The following KIF13B variants were observed in gnomAD, a reference collection of about 807,000 sequenced individuals.
KIF13B encodes the protein kinesin family member 13B, also known as kinesin-like protein KIF13B.
Under a neutral mutation model 222.0 loss-of-function variants are expected in KIF13B, and 127 were observed. That is an observed-to-expected ratio of 0.57 (90% CI 0.50 to 0.66). The LOEUF (loss-of-function observed/expected upper bound fraction) is 0.66, where lower values mean the gene tolerates loss of function less well. Among genes scored for constraint, KIF13B ranks in the 30% least tolerant of loss-of-function variants. The probability of loss-of-function intolerance (pLI) is 0.00; values close to 1 mark genes in which losing one functional copy is unlikely to be tolerated. For missense variants in KIF13B, 2,173 were observed against 2,379.0 expected (o/e 0.91, Z 1.80); for synonymous variants, 976 against 919.0 (o/e 1.06, Z -1.12).
chr8:29,226,243 T>C (rs1815019286), intron 2 of KIF13B, among the ~76,000 whole-genome samples: 1 of 151,038 alleles, frequency 6.6e-6, no homozygotes, highest in African/African-American at 2.4e-5. Context: ...ATAAAAGTAA[T>C]TTGAACTTAC....
intron 2 of KIF13B, among the ~76,000 whole-genome samples, chr8:29,210,286 A>G (rs985619336): frequency 1.1e-4 from 16 of 152,242 alleles, no homozygotes; most frequent in Non-Finnish European, 1.3e-4. Context: ...CTTGAATTCC[A>G]GATACCATTC....
chr8:29,128,137 TATAA>T (rs1370704419), intron 24 of KIF13B, among the ~76,000 whole-genome samples: 2 of 149,308 alleles, frequency 1.3e-5, no homozygotes, highest in Non-Finnish European at 3.0e-5. Context: ...ATATCATTAA[TATAA>T]ATATAAATAT....
At chr8:29,241,442 G>C (rs895592167) in intron 2 of KIF13B, among the ~76,000 whole-genome samples, 1 of 152,224 alleles carries the variant, frequency 6.6e-6, no homozygotes, top group Non-Finnish European at 1.5e-5. Flanking sequence ...CATCTATTTG[G>C]TTCTTAGAAG....
intron 2 of KIF13B, among the ~76,000 whole-genome samples, chr8:29,237,842 A>G (rs1042458350): frequency 2.0e-5 from 3 of 152,210 alleles, no homozygotes; most frequent in Non-Finnish European, 4.4e-5. Flanking sequence ...CATCTTCACA[A>G]GTATATTCAA....
chr8:29,106,632 CAAAAAAAAAAAAAAA>C (rs71222590), intron 35 of KIF13B, among the ~76,000 whole-genome samples: 14 of 56,470 alleles, frequency 2.5e-4, no homozygotes, highest in African/African-American at 5.1e-4. Context: ...AACTCTGTCT[CAAAAAAAAAAAAAAA>C]AAAAAAAAAA....
intron 29 of KIF13B, among the ~76,000 whole-genome samples, chr8:29,121,093 T>C (rs1809836809): frequency 6.6e-6 from 1 of 151,648 alleles, no homozygotes; most frequent in Non-Finnish European, 1.5e-5. Flanking sequence ...CTTTGTCAGA[T>C]GAGTAGGTTG....
Position 29,118,275 on chromosome 8 carries a change from C to T in KIF13B, c.3660+593G>A, listed in dbSNP as rs920259391. ...GGAGGCCAAGGCAGGCGATCACTTC[C>T]GGTCAGGAGTTGAAGACCAGCTTGG... On this transcript the variant is annotated intron_variant, in intron 30 of 39. Coordinates refer to ENST00000524189, the MANE Select transcript of KIF13B (RefSeq NM_015254.4). Among the ~76,000 whole-genome samples the T allele has an allele frequency of 1.1e-4, 16 of 150,762 alleles. No homozygotes were observed. The East Asian group carries it at 1.4e-3, about 13-fold the overall frequency.
At chr8:29,227,491 T>C (rs1391792907) in intron 2 of KIF13B, among the ~76,000 whole-genome samples, 1 of 152,182 alleles carries the variant, frequency 6.6e-6, no homozygotes, top group East Asian at 1.9e-4. Flanking sequence ...GGTTTCACCA[T>C]GTTGGACAGG....
intron 2 of KIF13B, among the ~76,000 whole-genome samples, chr8:29,231,931 T>C (rs1040552158): frequency 6.6e-6 from 1 of 152,180 alleles, no homozygotes; most frequent in Non-Finnish European, 1.5e-5. Flanking sequence ...TATTCCAGTC[T>C]GTCCCTGGAT....
At chr8:29,090,102 G>A (rs1179282750) in intron 37 of KIF13B, among the ~76,000 whole-genome samples, 1 of 152,148 alleles carries the variant, frequency 6.6e-6, no homozygotes, top group Non-Finnish European at 1.5e-5. Context: ...CGCTTCACAT[G>A]CTTATAGGCT....
At chr8:29,105,060 G>T (rs561606287) in intron 35 of KIF13B, among the ~76,000 whole-genome samples, 31 of 151,698 alleles carry the variant, frequency 2.0e-4, no homozygotes, top group African/African-American at 7.0e-4. Context: ...TCAAACTCCC[G>T]GGCTCAAGTG....
intron 13 of KIF13B, among the ~76,000 whole-genome samples, chr8:29,159,442 G>A (rs969826493): frequency 1.3e-5 from 2 of 152,042 alleles, no homozygotes; most frequent in Non-Finnish European, 2.9e-5. Context: ...GAGCCACCAC[G>A]CCCAGCCAAT....
intron 10 of KIF13B, among the ~76,000 whole-genome samples, chr8:29,169,269 T>A (rs1812136445): frequency 6.6e-6 from 1 of 152,212 alleles, no homozygotes; most frequent in African/African-American, 2.4e-5. Flanking sequence ...AACAGGTTTG[T>A]TCGGACAATG....
Position 29,147,575 on chromosome 8 carries a change from A to C in KIF13B, c.1841T>G (p.Leu614Ter). The part of the protein sequence containing the change: ...NDPMQSILNS[L>*]EQQHEEEKRS... ...TTTTTCTTCTTCATGCTGTTGTTCTAAGCTGTTTAATATGGACTGCATCGG... is the reference window on the plus strand; with the variant it reads ...TTTTTCTTCTTCATGCTGTTGTTCTCAGCTGTTTAATATGGACTGCATCGG... Residue 614 changes from leucine (L) to a stop codon, truncating the protein, a stop_gained, in exon 17 of 40, where the codon TTA becomes TGA. Transcript: ENST00000524189. LOFTEE classifies it high-confidence loss of function. 6.2e-7 allele frequency: 1 copy of C among 1,613,258 alleles called. No homozygotes were observed. The highest frequency in any genetic ancestry group is 8.5e-7 in the Non-Finnish European group (1 of 1,179,716).
At position 29,067,386 on chromosome 8, in the gene KIF13B, AT is replaced by A. The variant is rs1184785166; in HGVS notation, c.*3117del. On this transcript the variant is annotated 3_prime_UTR_variant, in exon 40 of 40. Coordinates refer to ENST00000524189, the MANE Select transcript of KIF13B (RefSeq NM_015254.4). ...TTTAGTTCATTACATGATACAAATC[AT>A]TAGAGTCTTTACAAGTCATTAGAGT... 6.6e-6 allele frequency: 1 copy of A among 152,640 alleles called. No homozygotes were observed. Among genetic ancestry groups the A allele is most frequent in the Admixed American group, 6.5e-5 (1 of 15,292 alleles). The allele number at this position is 152,640 out of a possible 1,614,324, so 9.5% of individuals were successfully genotyped here. A position where few individuals can be genotyped will look rare whatever the true frequency, so the allele number is the denominator to read the frequency against.
intron 37 of KIF13B, among the ~76,000 whole-genome samples, chr8:29,080,782 G>A (rs1004086255): frequency 7.2e-5 from 11 of 151,998 alleles, no homozygotes; most frequent in Admixed American, 5.2e-4. Context: ...GCCGACCCCC[G>A]CCCGAGCCAC....
chr8:29,239,336 G>A (rs6558102), intron 2 of KIF13B, among the ~76,000 whole-genome samples: 44,651 of 152,118 alleles, frequency 0.29, 10,027 homozygotes, highest in East Asian at 0.62. Context: ...AGTATACTAC[G>A]ACAATTTTCA....
intron 1 of KIF13B, among the ~76,000 whole-genome samples, chr8:29,247,862 A>T (rs900526582): frequency 3.3e-5 from 5 of 151,668 alleles, no homozygotes; most frequent in African/African-American, 4.8e-5. Flanking sequence ...AAAAAAGACA[A>T]ATAATCAAAT....
chr8:29,087,963 A>C (rs997246772), intron 37 of KIF13B, among the ~76,000 whole-genome samples: 2 of 152,140 alleles, frequency 1.3e-5, no homozygotes, highest in African/African-American at 2.4e-5. Flanking sequence ...TATGTATATA[A>C]GAAGATTATA....
Sources: allele counts gnomAD v4.1 joint callset (sites outside exome capture counted in the v4.1 genomes callset), GRCh38; gene constraint gnomAD v4.1.1; transcripts MANE v1.5; gene names NCBI Gene and HGNC (gene_info 2026-07-23, HGNC 2026-07-21).